The following SREK1 variants were observed in gnomAD, a reference collection of about 807,000 sequenced individuals.
SREK1 encodes the protein splicing regulatory glutamine/lysine-rich protein 1.
A neutral mutation model predicts 66.5 loss-of-function variants in SREK1; 13 were observed. The observed-to-expected ratio is 0.20, with a 90% CI of 0.13 to 0.31. The LOEUF (loss-of-function observed/expected upper bound fraction) is 0.31. Among genes scored for constraint, SREK1 ranks in the 10% least tolerant of loss-of-function variants. The pLI is 1.00. For synonymous variants in SREK1, 265 were observed against 263.5 expected (o/e 1.01, Z -0.05); for missense variants, 607 against 769.6 (o/e 0.79, Z 2.50).
chr5:66,156,172 C>A, intron 2 of SREK1: 1 of 1,363,418 alleles, frequency 7.3e-7, no homozygotes, highest in South Asian at 1.8e-5. Flanking sequence ...GAAATGAGAT[C>A]GGAGTCTGAA....
At chr5:66,170,384 CA>C (rs1360004025) in intron 8 of SREK1, among the ~76,000 whole-genome samples, 200 bp from the exon 9 acceptor site, 2 of 152,174 alleles carry the variant, frequency 1.3e-5, no homozygotes, top group Non-Finnish European at 2.9e-5. Flanking sequence ...ATGAGGTTTC[CA>C]AACTACTCAG....
intron 2 of SREK1, among the ~76,000 whole-genome samples, chr5:66,154,057 C>T (rs1035066560): frequency 1.3e-5 from 2 of 151,854 alleles, no homozygotes; most frequent in African/African-American, 2.4e-5. Flanking sequence ...GGTAATTTAC[C>T]TTAATTGTTA....
intron 9 of SREK1, among the ~76,000 whole-genome samples, chr5:66,173,967 A>C (rs1027026847): frequency 6.6e-6 from 1 of 152,198 alleles, no homozygotes; most frequent in African/African-American, 2.4e-5. Flanking sequence ...ATTTTAATAC[A>C]TATTATATAT....
In SREK1 at chr5:66,170,845, A is replaced by G. The variant is rs1005923407; in HGVS notation, c.1382A>G (p.Lys461Arg). The change falls in exon 9 of 12, where the codon AAA becomes AGA. Residue 461 changes from lysine to arginine, a missense_variant. By Grantham distance (26) the Lys-to-Arg change is conservative. Around this residue, in one of 5 missense-constraint regions of SREK1, gnomAD observed 318 missense variants for 310.3 expected, o/e 1.02. Coordinates refer to ENST00000334121, the MANE Select transcript of SREK1 (RefSeq NM_001077199.3). ...KEQDKEKERE[K>R]DRSKEIDEKR... Reference sequence around the variant, plus strand: ...CAGGACAAAGAAAAGGAACGAGAAAAAGACAGATCCAAAGAGATAGATGAA... The same window carrying G: ...CAGGACAAAGAAAAGGAACGAGAAAGAGACAGATCCAAAGAGATAGATGAA... 5 of 1,613,870 alleles carry G rather than the reference A, an allele frequency of 3.1e-6. No individual in the cohort carries two copies. Among genetic ancestry groups the G allele is most frequent in the Non-Finnish European group, 4.2e-6 (5 of 1,179,982 alleles).
Position 66,175,842 on chromosome 5 carries a change from C to T in SREK1, c.1580+801C>T, listed in dbSNP as rs140708020. ...CCAAGAACTCTTTTATATTAGGGAG[C>T]TTATTGTTTAGTGATGTGATTATAA... On this transcript the variant is annotated intron_variant, in intron 10 of 11. Transcript: ENST00000334121. Among the ~76,000 whole-genome samples, 184 of 152,088 alleles carry T rather than the reference C, an allele frequency of 1.2e-3. 4 individuals are homozygous for T. In the East Asian group the frequency reaches 0.032, roughly 26 times the overall value.
intron 5 of SREK1, chr5:66,163,402 G>A (rs953370319): frequency 1.2e-5 from 2 of 161,280 alleles, no homozygotes; most frequent in Admixed American, 6.0e-5. Context: ...TGATATACAG[G>A]TAGCTTACCC....
At chr5:66,176,469 A>G (rs1280608314) in intron 10 of SREK1, among the ~76,000 whole-genome samples, 1 of 152,116 alleles carries the variant, frequency 6.6e-6, no homozygotes, top group East Asian at 1.9e-4. Flanking sequence ...AATAAAACCT[A>G]TTGATGATTT....
chr5:66,158,770 G>T, intron 2 of SREK1: 1 of 1,253,320 alleles, frequency 8.0e-7, no homozygotes, highest in African/African-American at 1.6e-5. Flanking sequence ...TTTAAAAAAT[G>T]TTCTTCTTTT....
chr5:66,164,331 AT>A, intron 6 of SREK1: 1 of 295,210 alleles, frequency 3.4e-6, no homozygotes, highest in South Asian at 3.2e-5. Flanking sequence ...CAGATACTGT[AT>A]TTTAGTAAGG....
rs374143521 is a variant in SREK1 at position 66,177,581 on chromosome 5, C to T, written c.1648C>T (p.Arg550Cys). The T allele has an allele frequency of 7.5e-6, 12 of 1,609,094 alleles. No homozygotes were observed. In the East Asian group the frequency reaches 9.0e-5, roughly 12 times the overall value. Residue 550 changes from arginine (R) to cysteine (C), a missense_variant, in exon 11 of 12, where the codon CGT becomes TGT. Coordinates refer to ENST00000334121, the MANE Select transcript of SREK1 (RefSeq NM_001077199.3). ...CATCAGTGAAAGAAGAGAGAGAGAA[C>T]GTTCAACGTCTATGAGAAAGAGTTC... is the stretch of plus-strand genomic sequence containing the variant. ...DHISERRERERSTSMRKSSND... is the reference protein window; with the variant it reads ...DHISERRERECSTSMRKSSND...
chr5:66,158,694 C>A, intron 2 of SREK1: 1 of 914,072 alleles, frequency 1.1e-6, no homozygotes, highest in Non-Finnish European at 1.5e-6. Flanking sequence ...TCAATTCGCA[C>A]ATATTTGTTT....
At chr5:66,173,166 T>G (rs1307477272) in intron 9 of SREK1, among the ~76,000 whole-genome samples, 1 of 152,130 alleles carries the variant, frequency 6.6e-6, no homozygotes, top group Non-Finnish European at 1.5e-5. Context: ...TTTTAGCATT[T>G]TTCTGCTTTT....
chr5:66,144,933 C>T, intron 1 of SREK1: 4 of 992,180 alleles, frequency 4.0e-6, no homozygotes, highest in Non-Finnish European at 4.8e-6. Flanking sequence ...TCGCGGAGAC[C>T]GCGCCTGAGC....
At chr5:66,165,978 G>A (rs1266984407) in intron 7 of SREK1, 1 of 152,166 alleles carries the variant, frequency 6.6e-6, no homozygotes, top group African/African-American at 2.4e-5. Flanking sequence ...ATATACTAGT[G>A]TATACTTGTC....
Position 66,178,728 on chromosome 5 carries a change from C to A in SREK1, c.1735C>A (p.His579Asn). 1 of 1,607,088 alleles carries A rather than the reference C, an allele frequency of 6.2e-7. No individual in the cohort carries two copies. Among genetic ancestry groups the A allele is most frequent in the Non-Finnish European group, 8.5e-7 (1 of 1,175,844 alleles). ...KNSTSLKEKE[H>N]NKEPDSSVSK... ...TAATTACTCATTGTAGGAGAAAGAG[C>A]ACAATAAAGAACCAGATTCAAGTGT... The change falls in exon 12 of 12, where the codon CAC (histidine) becomes AAC (asparagine). Residue 579 changes from histidine (H) to asparagine (N), a missense_variant. This residue lies in a region of SREK1 where 318 missense variants were observed against 310.3 expected (regional missense o/e 1.02). Coordinates refer to ENST00000334121, the MANE Select transcript of SREK1 (RefSeq NM_001077199.3).
chr5:66,148,175 C>G (rs1405513032), intron 1 of SREK1, among the ~76,000 whole-genome samples: 1 of 151,942 alleles, frequency 6.6e-6, no homozygotes, highest in East Asian at 1.9e-4. Flanking sequence ...TTGTGCTAAT[C>G]CATAGGGCCA....
Position 66,162,121 on chromosome 5 carries a change from C to G in SREK1, c.424C>G (p.Leu142Val). ...PNPLTTLGVSLSSLGAIPAAA... is the reference protein window; with the variant it reads ...PNPLTTLGVSVSSLGAIPAAA... ...CTTCTTTCGATAGCTTGGTGTTTCA[C>G]TTAGCAGTTTGGGAGCTATACCAGC... Residue 142 changes from leucine (L) to valine (V), a missense_variant, in exon 4 of 12, where the codon CTT becomes GTT. This residue lies in a region of SREK1 where 99 missense variants were observed against 186.6 expected (regional missense o/e 0.53). Coordinates refer to ENST00000334121, the MANE Select transcript of SREK1 (RefSeq NM_001077199.3). The G allele has an allele frequency of 6.2e-7, 1 of 1,611,806 alleles. No individual in the cohort carries two copies. Among genetic ancestry groups the G allele is most frequent in the Non-Finnish European group, 8.5e-7 (1 of 1,179,236 alleles).
chr5:66,178,323 C>G (rs1457587361), intron 11 of SREK1, among the ~76,000 whole-genome samples: 1 of 151,978 alleles, frequency 6.6e-6, no homozygotes, highest in African/African-American at 2.4e-5. Flanking sequence ...CTTGAACAGC[C>G]TTTTCCAGGA....
intron 7 of SREK1, chr5:66,167,168 A>G (rs1745245097): frequency 1.3e-5 from 2 of 152,134 alleles, no homozygotes; most frequent in Non-Finnish European, 2.9e-5. Context: ...CCTCCCCCAC[A>G]GCCTTTCCCT....
Sources: allele counts gnomAD v4.1 joint callset (sites outside exome capture counted in the v4.1 genomes callset), GRCh38; gene constraint gnomAD v4.1.1; regional missense constraint gnomAD v4.1.1; transcripts MANE v1.5; gene names NCBI Gene and HGNC (gene_info 2026-07-23, HGNC 2026-07-21).